The following IL16 variants were observed in gnomAD, a reference collection of about 807,000 sequenced individuals.
The protein encoded by IL16 is pro-interleukin-16.
In IL16, 67 loss-of-function variants were observed where a neutral mutation model predicts 110.1. The observed-to-expected ratio is 0.61, with a 90% CI of 0.50 to 0.75. The LOEUF is 0.75. Among genes scored for constraint, IL16 ranks in the 30% least tolerant of loss-of-function variants. The pLI is 0.00. For missense variants in IL16, 1,545 were observed against 1,655.0 expected (o/e 0.93, Z 1.15); for synonymous variants, 689 against 662.9 (o/e 1.04, Z -0.61).
chr15:81,197,400 C>T (rs904542525), intron 1 of IL16, among the ~76,000 whole-genome samples: 1 of 152,140 alleles, frequency 6.6e-6, no homozygotes, highest in Non-Finnish European at 1.5e-5. Flanking sequence ...AGAGGGATAT[C>T]GCTTGACCTG....
intron 3 of IL16, 123 bp from the exon 4 acceptor site, chr15:81,265,536 G>A: frequency 9.7e-7 from 1 of 1,033,140 alleles, no homozygotes; most frequent in East Asian, 2.6e-5. Context: ...ACCTGGCACA[G>A]GGTGTTAAGT....
chr15:81,247,225 G>T (rs996077994), intron 2 of IL16, among the ~76,000 whole-genome samples: 1 of 150,224 alleles, frequency 6.7e-6, no homozygotes, highest in Non-Finnish European at 1.5e-5. Flanking sequence ...TATCTTTATC[G>T]TTTTCTCTAC....
rs1034612492 is a variant in IL16 at position 81,311,193 on chromosome 15, G to C, written c.*2395G>C. The C allele has an allele frequency of 1.3e-5, 2 of 152,194 alleles. No homozygotes were observed. The highest frequency in any genetic ancestry group is 2.9e-5 in the Non-Finnish European group (2 of 68,040). 9.4% of individuals were successfully genotyped at this position (152,194 alleles called of 1,614,324 possible). The stretch of plus-strand genomic sequence containing the variant: ...GAAGGCAATGCCATCCTCAAACACT[G>C]CAGGCATCACAGCTAACAATTGTGA... On this transcript the variant is annotated 3_prime_UTR_variant, in exon 19 of 19. Transcript: ENST00000683961.
intron 3 of IL16, among the ~76,000 whole-genome samples, chr15:81,261,546 C>A (rs1432798121): frequency 6.6e-6 from 1 of 152,162 alleles, no homozygotes; most frequent in Admixed American, 6.5e-5. Flanking sequence ...GTTAGGGTGG[C>A]CTGTCGGTTC....
intron 2 of IL16, among the ~76,000 whole-genome samples, chr15:81,231,863 T>C (rs1212976358): frequency 1.3e-5 from 2 of 152,186 alleles, no homozygotes; most frequent in Non-Finnish European, 2.9e-5. Flanking sequence ...CTCACCCCAC[T>C]GCATAGCAGT....
chr15:81,226,916 CA>C (rs1567006347), intron 2 of IL16, among the ~76,000 whole-genome samples: 1 of 152,134 alleles, frequency 6.6e-6, no homozygotes, highest in Non-Finnish European at 1.5e-5. Flanking sequence ...AAATGAAATT[CA>C]AAAAGTATTT....
At chr15:81,196,294 C>T (rs377028035), upstream of IL16, among the ~76,000 whole-genome samples, 1 of 152,168 alleles carries the variant, frequency 6.6e-6, no homozygotes, top group Non-Finnish European at 1.5e-5. Context: ...TTCCACGGCA[C>T]GTAGTAGGTG....
At chr15:81,271,823 C>T (rs1386930998) in intron 5 of IL16, among the ~76,000 whole-genome samples, 1 of 152,218 alleles carries the variant, frequency 6.6e-6, no homozygotes, top group Admixed American at 6.5e-5. Flanking sequence ...CTTAGAACAG[C>T]TGCTCATCCC....
At chr15:81,276,064 T>A (rs59342351) in intron 6 of IL16, among the ~76,000 whole-genome samples, 6 of 152,214 alleles carry the variant, frequency 3.9e-5, no homozygotes. Flanking sequence ...ATGGACATTC[T>A]GAATTTTTGT....
rs571208808 is a variant in IL16, at chr15:81,225,699, A to G, written c.300A>G (p.Ile100Met). 3.7e-6 allele frequency: 6 copies of G among 1,606,758 alleles called. No individual in the cohort carries two copies. The African/African-American group carries it at 6.7e-5, about 18-fold the overall frequency. ...GNDRGKTCRR[I>M]FFMKESSTAS... ...ATCGAGGCAAGACCTGTAGGAGGAT[A>G]TTCTTCATGAAGGTATGCCCAGGCT... is the stretch of plus-strand genomic sequence containing the variant. The change falls in exon 2 of 19, where the codon ATA becomes ATG. Residue 100 changes from isoleucine (I) to methionine (M), a missense_variant. Around this residue, in one of 3 missense-constraint regions of IL16, gnomAD observed 1,185 missense variants for 1,238.8 expected, o/e 0.96. Transcript: ENST00000683961.
rs771036402 is a variant in IL16, at chr15:81,273,107, C to T, written c.693C>T (p.Ile231=). 2.7e-5 allele frequency: 44 copies of T among 1,612,984 alleles called. No homozygotes were observed. Among genetic ancestry groups the T allele is most frequent in the African/African-American group, 5.3e-5 (4 of 74,858 alleles). The part of the protein sequence containing the change: ...KGQAKGLGFS[I]VGGKDSIYGP... ...TTCCCCAGGGTCTGGGCTTCAGCAT[C>T]GTTGGGGGAAAAGACAGCATTTATG... is the stretch of plus-strand genomic sequence containing the variant. Residue 231 remains isoleucine, a synonymous_variant, in exon 6 of 19, where the codon ATC becomes ATT. Coordinates refer to ENST00000683961, the MANE Select transcript of IL16 (RefSeq NM_172217.5).
At chr15:81,199,031 A>AAT (rs71153567) in intron 1 of IL16, among the ~76,000 whole-genome samples, 2 of 96,802 alleles carry the variant, frequency 2.1e-5, no homozygotes, top group Admixed American at 1.0e-4. Context: ...AAAAAAAAAA[A>AAT]TATATATATA....
chr15:81,295,495 T>C (rs1899941710), intron 12 of IL16: 3 of 1,289,596 alleles, frequency 2.3e-6, no homozygotes, highest in South Asian at 1.2e-5. Flanking sequence ...TGTCAACAGA[T>C]GTCAACTTAC....
At chr15:81,188,410 G>A in intron 1 of IL16, 1 of 456,296 alleles carries the variant, frequency 2.2e-6, no homozygotes, top group Non-Finnish European at 4.4e-6. Context: ...GCTGGTACGT[G>A]TTGAACGTCC....
chr15:81,227,516 A>G (rs1259218865), intron 2 of IL16, among the ~76,000 whole-genome samples: 1 of 152,116 alleles, frequency 6.6e-6, no homozygotes, highest in Non-Finnish European at 1.5e-5. Flanking sequence ...GCCTAGGAGC[A>G]TCAAGGAGAC....
chr15:81,182,981 G>A, intron 1 of IL16: 2 of 855,356 alleles, frequency 2.3e-6, no homozygotes, highest in South Asian at 1.4e-5. Flanking sequence ...CCTCCCAGGG[G>A]AATGGAAGCA....
intron 2 of IL16, among the ~76,000 whole-genome samples, chr15:81,243,164 T>TATATATATATATATATATATATATA (rs60077602): frequency 6.3e-4 from 10 of 15,752 alleles, no homozygotes; most frequent in African/African-American, 1.3e-3. Context: ...TATATATATA[T>TATATATATATATATATATATATATA]TTTTTTTTTT....
At chr15:81,191,390 A>T (rs1391394981) in intron 1 of IL16, among the ~76,000 whole-genome samples, 1 of 152,238 alleles carries the variant, frequency 6.6e-6, no homozygotes, top group Admixed American at 6.5e-5. Flanking sequence ...TTGTAAACTG[A>T]AAACTACAAA....
At chr15:81,190,112 C>T (rs900380444) in intron 1 of IL16, among the ~76,000 whole-genome samples, 2 of 152,212 alleles carry the variant, frequency 1.3e-5, no homozygotes, top group South Asian at 2.1e-4. Context: ...GACTCAACTG[C>T]CTCCACACCC....
Sources: allele counts gnomAD v4.1 joint callset (sites outside exome capture counted in the v4.1 genomes callset), GRCh38; gene constraint gnomAD v4.1.1; regional missense constraint gnomAD v4.1.1; transcripts MANE v1.5; gene names NCBI Gene and HGNC (gene_info 2026-07-23, HGNC 2026-07-21).